MYBPC1: variants seen among roughly 807,000 people sequenced by gnomAD.
MYBPC1 encodes myosin binding protein C1.
In MYBPC1, 52 loss-of-function variants were observed where a neutral mutation model predicts 147.1. The observed-to-expected ratio is 0.35, with a 90% confidence interval of 0.28 to 0.45. The LOEUF is 0.45. Among genes scored for constraint, MYBPC1 ranks in the 20% least tolerant of loss-of-function variants. MYBPC1 has a pLI of 1.00. For missense variants in MYBPC1, 1,228 were observed against 1,440.3 expected, an observed-to-expected ratio of 0.85 and a Z score of 2.39; for synonymous variants, 477 against 475.9, an observed-to-expected ratio of 1.00 and a Z score of -0.03.
At position 101,658,261 on chromosome 12, in the gene MYBPC1, A is replaced by T. The variant is rs551435261; in HGVS notation, c.1768-1411A>T. 5.9e-5 allele frequency among the ~76,000 whole-genome samples: 9 copies of T among 152,254 alleles called. No individual in the cohort carries two copies. In the South Asian group the frequency reaches 1.7e-3, roughly 28 times the overall value. On this transcript the variant is annotated intron_variant, in intron 18 of 31. Coordinates refer to ENST00000361466, the MANE Select transcript of MYBPC1 (RefSeq NM_002465.4). ...ATTTGAAAATCAATTAATGTAATCC[A>T]CTACATCAACAGGCTAAAGGAGAAA...
chr12:101,652,561 C>G, intron 16 of MYBPC1, 117 bp from the exon 17 acceptor site: 1 of 691,626 alleles, frequency 1.4e-6, no homozygotes, highest in Non-Finnish European at 2.6e-6. Context: ...TCTCTCTCTC[C>G]CTCTCTTTCC....
intron 24 of MYBPC1, among the ~76,000 whole-genome samples, chr12:101,671,354 C>T (rs1375625362): frequency 6.6e-6 from 1 of 151,902 alleles, no homozygotes; most frequent in Non-Finnish European, 1.5e-5. Flanking sequence ...CACACACACT[C>T]ACACATGCAC....
rs1428141271 is a variant in MYBPC1 at position 101,675,493 on chromosome 12, A to T, written c.2949+62A>T. ...AGGCACATTTCATCAGAGGTAAAGG[A>T]GATGGCACAAGGGCCTCACTGGTAA... On this transcript the variant is annotated intron_variant, in intron 26 of 31. Coordinates refer to ENST00000361466, the MANE Select transcript of MYBPC1 (RefSeq NM_002465.4). 3.7e-6 allele frequency: 6 copies of T among 1,607,376 alleles called. No homozygotes were observed. In the East Asian group the frequency reaches 1.3e-4, roughly 36 times the overall value.
rs558321511 is a variant in MYBPC1, at chr12:101,676,835, CATA to C, written c.2950-395_2950-393del. 4.8e-3 allele frequency among the ~76,000 whole-genome samples: 731 copies of C among 152,252 alleles called. 2 individuals are homozygous for C. Among genetic ancestry groups the C allele is most frequent in the Non-Finnish European group, 7.9e-3 (537 of 68,010 alleles). ...TAGTGATTTAGCTTCAGGTCTTTCT[CATA>C]ATAAGTTGGCACTAAAATTCTGTAG... is the stretch of plus-strand genomic sequence containing the variant. On this transcript the variant is annotated intron_variant, in intron 26 of 31. Coordinates refer to ENST00000361466, the MANE Select transcript of MYBPC1 (RefSeq NM_002465.4).
downstream of MYBPC1, among the ~76,000 whole-genome samples, chr12:101,690,716 T>G (rs1162559922): frequency 1.3e-5 from 2 of 152,218 alleles, no homozygotes; most frequent in Admixed American, 6.5e-5. Flanking sequence ...AGGGCACAAT[T>G]ATAACATCTT....
At chr12:101,650,128 T>C (rs1894114244) in intron 15 of MYBPC1, among the ~76,000 whole-genome samples, 1 of 152,252 alleles carries the variant, frequency 6.6e-6, no homozygotes, top group Non-Finnish European at 1.5e-5. Flanking sequence ...AAGAAGTCTT[T>C]CAGCCATAGA....
chr12:101,628,807 G>A (rs1470274521), intron 5 of MYBPC1, among the ~76,000 whole-genome samples: 3 of 152,130 alleles, frequency 2.0e-5, no homozygotes, highest in Middle Eastern at 3.4e-3. Context: ...TCTCTGTTTC[G>A]TTTTGCTTTT....
At chr12:101,621,476 G>A (rs1887376981) in intron 3 of MYBPC1, among the ~76,000 whole-genome samples, 1 of 152,114 alleles carries the variant, frequency 6.6e-6, no homozygotes, top group Non-Finnish European at 1.5e-5. Flanking sequence ...GTTAGCTATT[G>A]TTATTGTCTC....
At chr12:101,652,216 T>G (rs1477529762) in intron 16 of MYBPC1, among the ~76,000 whole-genome samples, 1 of 152,154 alleles carries the variant, frequency 6.6e-6, no homozygotes, top group African/African-American at 2.4e-5. Flanking sequence ...TACATACTGT[T>G]TACACAGAAA....
chr12:101,652,625 T>G, intron 16 of MYBPC1, 53 bp from the exon 17 acceptor site: 1 of 1,290,956 alleles, frequency 7.7e-7, no homozygotes, highest in South Asian at 1.2e-5. Flanking sequence ...GCTTGGGTCA[T>G]ATATAAACTA....
rs556202045 is a variant in MYBPC1 at position 101,634,196 on chromosome 12, G to A, written c.557-358G>A. ...ATTACAGGCGTGAGCCACCGCGCCC[G>A]GCCCCTGGAGGGCTATTTAAGAATA... On this transcript the variant is annotated intron_variant, in intron 8 of 31. Transcript: ENST00000361466. Among the ~76,000 whole-genome samples, 264 of 152,144 alleles carry A rather than the reference G, an allele frequency of 1.7e-3. 6 individuals are homozygous for A. Among genetic ancestry groups the A allele is most frequent in the East Asian group, 4.1e-3 (21 of 5,164 alleles).
chr12:101,631,389 C>T (rs1486956058), intron 6 of MYBPC1, among the ~76,000 whole-genome samples, 182 bp from the exon 7 acceptor site: 1 of 152,178 alleles, frequency 6.6e-6, no homozygotes, highest in African/African-American at 2.4e-5. Flanking sequence ...GCAGAACAAG[C>T]TGGGACAGCC....
intron 1 of MYBPC1, among the ~76,000 whole-genome samples, chr12:101,599,266 T>C (rs1878816787): frequency 6.6e-6 from 1 of 152,230 alleles, no homozygotes; most frequent in Admixed American, 6.5e-5. Flanking sequence ...TGGTCTACAT[T>C]TCAATAGGAA....
chr12:101,678,523 C>G (rs989888324), intron 28 of MYBPC1, among the ~76,000 whole-genome samples: 1 of 152,174 alleles, frequency 6.6e-6, no homozygotes, highest in African/African-American at 2.4e-5. Flanking sequence ...TATTGTTTCA[C>G]TTGGAAAATT....
At chr12:101,669,307 G>A (rs541867817) in intron 23 of MYBPC1, among the ~76,000 whole-genome samples, 15 of 152,290 alleles carry the variant, frequency 9.8e-5, no homozygotes, top group South Asian at 2.1e-4. Flanking sequence ...TTTACTTGGG[G>A]AAATAAGTAA....
intron 29 of MYBPC1, among the ~76,000 whole-genome samples, chr12:101,680,832 G>A (rs1045187248): frequency 1.2e-4 from 18 of 152,104 alleles, no homozygotes; most frequent in African/African-American, 4.3e-4. Context: ...TGTACAGCAT[G>A]GTAAGAATGA....
intron 7 of MYBPC1, 148 bp downstream of exon 7, chr12:101,631,867 T>G (rs1889970829): frequency 1.5e-6 from 2 of 1,355,012 alleles, no homozygotes; most frequent in African/African-American, 2.9e-5. Flanking sequence ...CTATTGCGAT[T>G]GCCCGGCTGT....
At chr12:101,622,851 A>T (rs1001984132) in intron 3 of MYBPC1, among the ~76,000 whole-genome samples, 1 of 152,206 alleles carries the variant, frequency 6.6e-6, no homozygotes. Flanking sequence ...TGAATCCAAG[A>T]TTGCCAATTG....
the MYBPC1 span, among the ~76,000 whole-genome samples, chr12:101,692,218 T>C: frequency 3.3e-5 from 5 of 152,122 alleles, no homozygotes; most frequent in Non-Finnish European, 5.9e-5. Flanking sequence ...GTGAGGGAAG[T>C]TGGACTTTAT....
Sources: gnomAD v4.1 joint callset for allele counts (sites outside exome capture counted in the v4.1 genomes callset) on GRCh38, gnomAD v4.1.1 for gene constraint, MANE v1.5 for transcripts, NCBI Gene and HGNC (gene_info 2026-07-23, HGNC 2026-07-21) for gene names.